STIM1: variants seen among roughly 807,000 people sequenced by gnomAD.
STIM1 encodes stromal interaction molecule 1.
STIM1 carries 25 observed loss-of-function variants against 74.7 expected under a neutral mutation model. The observed-to-expected ratio is 0.33, with a 90% CI of 0.24 to 0.47. The LOEUF (loss-of-function observed/expected upper bound fraction) is 0.47. STIM1 is among the 20% of genes least tolerant of loss of function. The pLI is 1.00. For missense variants in STIM1, 728 were observed against 920.8 expected, an observed-to-expected ratio of 0.79 and a Z score of 2.71; for synonymous variants, 328 against 348.8, an observed-to-expected ratio of 0.94 and a Z score of 0.66.
chr11:3,970,074 CTTT>C (rs145136493), intron 2 of STIM1, among the ~76,000 whole-genome samples: 4 of 139,048 alleles, frequency 2.9e-5, no homozygotes, highest in Admixed American at 7.2e-5. Flanking sequence ...GCTCCTCATC[CTTT>C]TTTTTTTTTT....
Position 3,856,408 on chromosome 11 carries a change from A to T in STIM1, c.138A>T (p.Ala46=). 1.9e-6 allele frequency: 3 copies of T among 1,613,856 alleles called. No individual in the cohort carries two copies. Among genetic ancestry groups the T allele is most frequent in the South Asian group, 1.1e-5 (1 of 91,088 alleles). Residue 46 remains alanine, a splice_region_variant and synonymous_variant, in exon 1 of 13, where the codon GCA becomes GCT. Transcript: ENST00000526596. Reference sequence around the variant, plus strand: ...CCAACTCTGAGGAGTCCACTGCAGCAGGTAAGGCCTTGCTGCGGGCTGGAC... The same window carrying T: ...CCAACTCTGAGGAGTCCACTGCAGCTGGTAAGGCCTTGCTGCGGGCTGGAC... ...SGANSEESTA[A]EFCRIDKPLC...
In STIM1 at chr11:4,018,619, T is replaced by C. The variant is rs1294009612; in HGVS notation, c.271-5254T>C. On this transcript the variant is annotated intron_variant, in intron 2 of 12. Transcript: ENST00000526596. ...AGGTTTGTGCCCCTGCACTCCAGCC[T>C]GGGCAATAAGAATGAAACTCTGTCT... Among the ~76,000 whole-genome samples, 3 of 134,170 alleles carry C rather than the reference T, an allele frequency of 2.2e-5. No homozygotes were observed. The Admixed American group carries it at 2.4e-4, about 11-fold the overall frequency. The allele number at this position is 134,170 out of a possible 152,430, so 88.0% of individuals were successfully genotyped here. A position where few individuals can be genotyped will look rare whatever the true frequency, so the allele number is the denominator to read the frequency against.
intron 1 of STIM1, among the ~76,000 whole-genome samples, chr11:3,892,204 A>T (rs1188990534): frequency 6.6e-6 from 1 of 151,752 alleles, no homozygotes; most frequent in Non-Finnish European, 1.5e-5. Context: ...TGTTTATTTC[A>T]TAATCATAAA....
chr11:4,085,121 C>T (rs2094485774), intron 11 of STIM1, among the ~76,000 whole-genome samples: 1 of 151,040 alleles, frequency 6.6e-6, no homozygotes, highest in South Asian at 2.1e-4. Flanking sequence ...TTCCCAGTTT[C>T]CCCCTTCTTT....
intron 1 of STIM1, among the ~76,000 whole-genome samples, chr11:3,879,677 A>G (rs1025073133): frequency 6.6e-6 from 1 of 152,206 alleles, no homozygotes; most frequent in African/African-American, 2.4e-5. Context: ...CATATATGTA[A>G]TTAGGGGCAG....
intron 5 of STIM1, 108 bp downstream of exon 5, chr11:4,059,504 A>G (rs1263730620): frequency 1.2e-6 from 1 of 827,304 alleles, no homozygotes; most frequent in Non-Finnish European, 2.0e-6. Flanking sequence ...CCTGCAAGAT[A>G]GCACCTATAC....
intron 1 of STIM1, among the ~76,000 whole-genome samples, chr11:3,858,261 G>C (rs1218045409): frequency 7.4e-6 from 1 of 134,570 alleles, no homozygotes; most frequent in Non-Finnish European, 1.6e-5. Context: ...TTTGTTTTTC[G>C]CCTGAAGTAA....
intron 1 of STIM1, among the ~76,000 whole-genome samples, chr11:3,902,914 A>T (rs1456476193): frequency 6.6e-6 from 1 of 152,160 alleles, no homozygotes; most frequent in Admixed American, 6.5e-5. Flanking sequence ...TGGATTATGG[A>T]ATGTGAAATG....
Position 3,956,236 on chromosome 11 carries a change from C to T in STIM1, c.140-11316C>T, listed in dbSNP as rs138231858. 4.1e-3 allele frequency among the ~76,000 whole-genome samples: 625 copies of T among 152,194 alleles called. 4 individuals carry two copies. Among genetic ancestry groups the T allele is most frequent in the African/African-American group, 0.014 (595 of 41,522 alleles). On this transcript the variant is annotated intron_variant, in intron 1 of 12. Coordinates refer to ENST00000526596, the MANE Select transcript of STIM1 (RefSeq NM_001382567.1). The stretch of plus-strand genomic sequence containing the variant: ...ATAGCTCGCATTTCTGCTGATTGGT[C>T]ATTAAGTATTTAGATTATCTCCTCT...
intron 2 of STIM1, among the ~76,000 whole-genome samples, chr11:4,005,611 G>A (rs1444046581): frequency 6.6e-6 from 1 of 151,852 alleles, no homozygotes; most frequent in East Asian, 1.9e-4. Flanking sequence ...GATAGCTTTA[G>A]GAGATATACC....
chr11:3,861,470 G>A (rs894613032), intron 1 of STIM1, among the ~76,000 whole-genome samples: 6 of 152,026 alleles, frequency 3.9e-5, no homozygotes, highest in East Asian at 1.9e-4. Flanking sequence ...TCCTGACTTC[G>A]TGATCTGCCT....
intron 1 of STIM1, among the ~76,000 whole-genome samples, chr11:3,859,604 C>A (rs1034174203): frequency 1.3e-5 from 2 of 152,182 alleles, no homozygotes; most frequent in East Asian, 1.9e-4. Context: ...GGATAGGCAT[C>A]TAGGCAGTGT....
rs187391015 is a variant in STIM1, at chr11:3,952,520, G to A, written c.140-15032G>A. Among the ~76,000 whole-genome samples, 666 of 130,850 alleles carry A rather than the reference G, an allele frequency of 5.1e-3. 8 individuals carry two copies. The highest frequency in any genetic ancestry group is 0.023 in the Middle Eastern group (6 of 260). The allele number at this position is 130,850 out of a possible 152,430, so 85.8% of individuals were successfully genotyped here. A position where few individuals can be genotyped will look rare whatever the true frequency, so the allele number is the denominator to read the frequency against. The stretch of plus-strand genomic sequence containing the variant: ...CAAAAGACTTGACTGATTTTTTCAG[G>A]TAAGAACATTAATCCTTAGGAGTAG... On this transcript the variant is annotated intron_variant, in intron 1 of 12. Transcript: ENST00000526596.
At chr11:3,984,716 G>A (rs1046288963) in intron 2 of STIM1, among the ~76,000 whole-genome samples, 1 of 152,158 alleles carries the variant, frequency 6.6e-6, no homozygotes, top group Non-Finnish European at 1.5e-5. Context: ...GTCCAACCTG[G>A]GTTCAAATCC....
chr11:4,059,390 C>T lies in STIM1; in HGVS notation c.607C>T (p.Pro203Ser). 6.2e-7 allele frequency: 1 copy of T among 1,613,886 alleles called. No individual in the cohort carries two copies. The highest frequency in any genetic ancestry group is 8.5e-7 in the Non-Finnish European group (1 of 1,179,838). Reference protein sequence around the residue: ...KALDTVLFGPPLLTRHNHLKD... With the variant: ...KALDTVLFGPSLLTRHNHLKD... ...TCTGGATACAGTGCTCTTTGGGCCT[C>T]CTCTCTGTGAGTCTTGTGTTGAGAA... The change falls in exon 5 of 13, where the codon CCT becomes TCT. Residue 203 changes from proline (P) to serine (S), a missense_variant. Transcript: ENST00000526596.
intron 1 of STIM1, among the ~76,000 whole-genome samples, chr11:3,911,474 TC>T (rs1342815906): frequency 6.6e-6 from 1 of 152,140 alleles, no homozygotes; most frequent in Non-Finnish European, 1.5e-5. Context: ...GAGCTCAACC[TC>T]CTGAGCTCAA....
At chr11:3,964,337 A>G (rs2093319472) in intron 1 of STIM1, among the ~76,000 whole-genome samples, 1 of 152,216 alleles carries the variant, frequency 6.6e-6, no homozygotes, top group Non-Finnish European at 1.5e-5. Context: ...GCTTGGTTGA[A>G]GGAATTATTT....
At chr11:3,892,917 C>T (rs2091942308) in intron 1 of STIM1, 2 of 1,246,082 alleles carry the variant, frequency 1.6e-6, no homozygotes, top group East Asian at 2.3e-5. Context: ...CCGGCAGCAG[C>T]AGCATCTGCA....
chr11:4,009,424 C>T (rs2093814625), intron 2 of STIM1, among the ~76,000 whole-genome samples: 1 of 151,890 alleles, frequency 6.6e-6, no homozygotes, highest in Non-Finnish European at 1.5e-5. Context: ...ACTAGCCTGG[C>T]CAACATGCTG....
Sources: allele counts gnomAD v4.1 joint callset (sites outside exome capture counted in the v4.1 genomes callset), GRCh38; gene constraint gnomAD v4.1.1; transcripts MANE v1.5; gene names NCBI Gene and HGNC (gene_info 2026-07-23, HGNC 2026-07-21).